TAFA2: variants seen among roughly 807,000 people sequenced by gnomAD.
TAFA2 encodes the protein TAFA chemokine like family member 2, also known as chemokine-like protein TAFA-2.
Under a neutral mutation model 18.8 loss-of-function variants are expected in TAFA2, and 7 were observed. The observed-to-expected ratio is 0.37, with a 90% CI of 0.21 to 0.70. The LOEUF (loss-of-function observed/expected upper bound fraction) is 0.70, where lower values mean the gene tolerates loss of function less well. TAFA2 is among the 30% of genes least tolerant of loss of function. The pLI is 0.53. For missense variants in TAFA2, 122 were observed against 158.1 expected (o/e 0.77, Z 1.23); for synonymous variants, 60 against 54.2 (o/e 1.11, Z -0.47).
chr12:62,137,678 A>G (rs1386300237), intron 1 of TAFA2, among the ~76,000 whole-genome samples: 3 of 152,054 alleles, frequency 2.0e-5, no homozygotes, highest in Admixed American at 1.3e-4. Context: ...CCACCCTGAT[A>G]CAAAGCATCA....
intron 1 of TAFA2, among the ~76,000 whole-genome samples, chr12:62,094,939 G>C (rs1196651163): frequency 6.6e-6 from 1 of 152,072 alleles, no homozygotes; most frequent in East Asian, 1.9e-4. Context: ...GAAATGAGGA[G>C]AAAAGCAACA....
intron 1 of TAFA2, among the ~76,000 whole-genome samples, chr12:62,098,003 T>C (rs1392928796): frequency 6.6e-6 from 1 of 152,204 alleles, no homozygotes; most frequent in Admixed American, 6.5e-5. Flanking sequence ...ATGGATTCTA[T>C]GTGACAATAT....
At chr12:61,753,951 T>G (rs938259197) in intron 3 of TAFA2, among the ~76,000 whole-genome samples, 2 of 152,110 alleles carry the variant, frequency 1.3e-5, no homozygotes, top group African/African-American at 4.8e-5. Context: ...TTTTTTATTT[T>G]ATTGTAATGA....
At chr12:61,781,095 GATAAA>G (rs1457233120) in intron 2 of TAFA2, among the ~76,000 whole-genome samples, 2 of 151,752 alleles carry the variant, frequency 1.3e-5, no homozygotes, top group African/African-American at 4.8e-5. Flanking sequence ...TACAATCAGA[GATAAA>G]AGGCTGGTTG....
intron 1 of TAFA2, among the ~76,000 whole-genome samples, chr12:62,008,464 A>G (rs891158973): frequency 1.3e-5 from 2 of 152,156 alleles, no homozygotes; most frequent in East Asian, 1.9e-4. Context: ...ACAAAATTTA[A>G]ATGTGTAAGT....
chr12:61,818,163 C>A (rs1249156414), intron 2 of TAFA2, among the ~76,000 whole-genome samples: 1 of 152,154 alleles, frequency 6.6e-6, no homozygotes, highest in African/African-American at 2.4e-5. Context: ...TTTCTCTTTA[C>A]CCTCCTTACT....
chr12:61,922,645 G>C (rs917503858), intron 1 of TAFA2, among the ~76,000 whole-genome samples: 1 of 152,254 alleles, frequency 6.6e-6, no homozygotes, highest in African/African-American at 2.4e-5. Flanking sequence ...CCAGGGCCCT[G>C]GGTTTCAAGC....
intron 1 of TAFA2, among the ~76,000 whole-genome samples, chr12:61,972,011 A>G (rs906791430): frequency 2.0e-5 from 3 of 151,746 alleles, no homozygotes; most frequent in African/African-American, 7.3e-5. Flanking sequence ...CGACCATTCA[A>G]TGTGGGAAGG....
intron 1 of TAFA2, among the ~76,000 whole-genome samples, chr12:61,981,445 C>CA (rs1879632338): frequency 6.6e-6 from 1 of 152,082 alleles, no homozygotes; most frequent in South Asian, 2.1e-4. Context: ...CAGTGAAAAC[C>CA]AAAATAGACA....
upstream of TAFA2, among the ~76,000 whole-genome samples, chr12:62,194,950 G>C (rs1447143520): frequency 3.9e-5 from 6 of 152,108 alleles, no homozygotes; most frequent in African/African-American, 1.4e-4. Context: ...ATGGTTTAAT[G>C]CTTTTTTTAA....
intron 1 of TAFA2, among the ~76,000 whole-genome samples, chr12:62,171,303 T>C (rs2062476602): frequency 6.6e-6 from 1 of 152,220 alleles, no homozygotes; most frequent in African/African-American, 2.4e-5. Context: ...TCCACTCTAC[T>C]AAAATTTTAC....
At chr12:62,118,943 T>C (rs1358173146) in intron 1 of TAFA2, among the ~76,000 whole-genome samples, 3 of 152,288 alleles carry the variant, frequency 2.0e-5, no homozygotes, top group Admixed American at 6.5e-5. Context: ...AATTTTAATA[T>C]AGCAAAATAT....
chr12:62,123,772 C>CCACACACACACA (rs369871302), intron 1 of TAFA2, among the ~76,000 whole-genome samples: 25 of 69,060 alleles, frequency 3.6e-4, no homozygotes, highest in African/African-American at 1.3e-3. Flanking sequence ...ATCTCCCCCA[C>CCACACACACACA]CACACACATA....
chr12:61,928,433 C>T (rs1565684832), intron 1 of TAFA2, among the ~76,000 whole-genome samples: 1 of 152,140 alleles, frequency 6.6e-6, no homozygotes. Flanking sequence ...CATCAGTGGT[C>T]ATTAGAGAAA....
At position 61,732,257 on chromosome 12, in the gene TAFA2, G is replaced by A. The variant is rs1373147812; in HGVS notation, c.384+21365C>T. Reference sequence around the variant, plus strand: ...TCTGAGATGAAAAAAGTACAAAAGGGTGGTGTGGTGTCAGTGAAATAAGCA... The same window carrying A: ...TCTGAGATGAAAAAAGTACAAAAGGATGGTGTGGTGTCAGTGAAATAAGCA... On this transcript the variant is annotated intron_variant, in intron 4 of 4. Transcript: ENST00000416284. Among the ~76,000 whole-genome samples, 6 of 152,086 alleles carry A rather than the reference G, an allele frequency of 3.9e-5. No homozygotes were observed. In the South Asian group the frequency reaches 1.2e-3, roughly 32 times the overall value.
chr12:62,021,833 G>C, intron 1 of TAFA2: 1 of 816,008 alleles, frequency 1.2e-6, no homozygotes, highest in Non-Finnish European at 2.2e-6. Flanking sequence ...GGATCATCAG[G>C]CCATCCACAA....
At chr12:62,134,124 G>A (rs966819798) in intron 1 of TAFA2, among the ~76,000 whole-genome samples, 1 of 151,624 alleles carries the variant, frequency 6.6e-6, no homozygotes, top group South Asian at 2.1e-4. Flanking sequence ...GATTTTTCTG[G>A]TCCTTCAAGA....
chr12:62,130,434 A>G (rs1870635141), intron 1 of TAFA2, among the ~76,000 whole-genome samples: 1 of 152,036 alleles, frequency 6.6e-6, no homozygotes, highest in African/African-American at 2.4e-5. Flanking sequence ...TAGTGGATAT[A>G]TTATATTAAT....
intron 1 of TAFA2, among the ~76,000 whole-genome samples, chr12:62,106,378 A>C (rs552184204): frequency 3.3e-5 from 5 of 152,202 alleles, no homozygotes; most frequent in Admixed American, 2.6e-4. Context: ...AAACAAAAAC[A>C]AAAACAAACG....
Sources: gnomAD v4.1 joint callset for allele counts (sites outside exome capture counted in the v4.1 genomes callset) on GRCh38, gnomAD v4.1.1 for gene constraint, MANE v1.5 for transcripts, NCBI Gene and HGNC (gene_info 2026-07-23, HGNC 2026-07-21) for gene names.